The following HECW2 variants were observed in gnomAD, a reference collection of about 807,000 sequenced individuals.
HECW2 encodes the protein E3 ubiquitin-protein ligase HECW2.
A neutral mutation model predicts 175.2 loss-of-function variants in HECW2; 61 were observed. The ratio of observed to expected loss-of-function variants is 0.35; its 90% CI spans 0.28 to 0.43. HECW2 has a LOEUF of 0.43. Ranked by LOEUF, HECW2 falls within the 20% of genes least tolerant of loss-of-function variation. The pLI, the probability that HECW2 is intolerant of heterozygous loss-of-function variation, is 1.00. For synonymous variants in HECW2, 671 were observed against 731.0 expected (o/e 0.92, Z 1.32); for missense variants, 1,524 against 2,000.5 (o/e 0.76, Z 4.54).
intron 28 of HECW2, among the ~76,000 whole-genome samples, chr2:196,202,958 A>G (rs975685834): frequency 5.9e-5 from 9 of 152,174 alleles, no homozygotes; most frequent in Admixed American, 5.2e-4. Flanking sequence ...ACTGAAGGTA[A>G]TTTTATACCA....
intron 13 of HECW2, among the ~76,000 whole-genome samples, chr2:196,295,081 C>T (rs1211241113): frequency 1.3e-5 from 2 of 152,160 alleles, no homozygotes; most frequent in African/African-American, 4.8e-5. Context: ...CCTCAGTACA[C>T]TTGAGTATAA....
At chr2:196,371,098 AC>A (rs1693896862) in intron 2 of HECW2, among the ~76,000 whole-genome samples, 1 of 152,044 alleles carries the variant, frequency 6.6e-6, no homozygotes, top group African/African-American at 2.4e-5. Flanking sequence ...CTTCTATTCC[AC>A]CATCTTGCTC....
chr2:196,508,367 T>C (rs1687838781), intron 1 of HECW2, among the ~76,000 whole-genome samples: 1 of 152,194 alleles, frequency 6.6e-6, no homozygotes. Context: ...GTGGTGCAGC[T>C]AAAATACAAA....
chr2:196,518,059 A>C (rs1212392804), intron 1 of HECW2, among the ~76,000 whole-genome samples: 1 of 152,224 alleles, frequency 6.6e-6, no homozygotes, highest in Non-Finnish European at 1.5e-5. Flanking sequence ...GGGGAGAAAG[A>C]AAGCTTTTAA....
In HECW2 at chr2:196,399,270, A is replaced by C. The variant is rs2375851; in HGVS notation, c.292+33862T>G. 4.7e-4 allele frequency among the ~76,000 whole-genome samples: 13 copies of C among 27,418 alleles called. No homozygotes were observed. The Admixed American group carries it at 5.5e-3, about 12-fold the overall frequency. The allele number at this position is 27,418 out of a possible 152,430, so 18.0% of individuals were successfully genotyped here. A position where few individuals can be genotyped will look rare whatever the true frequency, so the allele number is the denominator to read the frequency against. On this transcript the variant is annotated intron_variant, in intron 2 of 28. Coordinates refer to ENST00000644978, the MANE Select transcript of HECW2 (RefSeq NM_001348768.2). ...GAAGGGGAAACATCAAGTTACATTAAGTTATTCAATTGGTAATTCTAACAT... is the reference window on the plus strand; with the variant it reads ...GAAGGGGAAACATCAAGTTACATTACGTTATTCAATTGGTAATTCTAACAT...
At chr2:196,321,158 G>C (rs1174573751) in intron 7 of HECW2, among the ~76,000 whole-genome samples, 1 of 152,158 alleles carries the variant, frequency 6.6e-6, no homozygotes, top group Non-Finnish European at 1.5e-5. Flanking sequence ...AGTGCTGATG[G>C]GATGGTTGGC....
chr2:196,274,153 C>T, intron 15 of HECW2, 30 bp from the exon 16 acceptor site: 1 of 1,532,740 alleles, frequency 6.5e-7, no homozygotes, highest in Non-Finnish European at 9.0e-7. Flanking sequence ...TTATGTTCTG[C>T]ACCAAGAGCC....
At chr2:196,579,286 T>C (rs541732226) in intron 1 of HECW2, among the ~76,000 whole-genome samples, 8 of 152,082 alleles carry the variant, frequency 5.3e-5, no homozygotes, top group African/African-American at 1.9e-4. Flanking sequence ...AGAATTAAAA[T>C]GGTACACTGG....
At chr2:196,388,238 T>C (rs897482433) in intron 2 of HECW2, among the ~76,000 whole-genome samples, 2 of 152,130 alleles carry the variant, frequency 1.3e-5, no homozygotes, top group Non-Finnish European at 2.9e-5. Flanking sequence ...AAGGTTGCAA[T>C]AGCTATGATT....
At chr2:196,485,465 G>C (rs1222235241) in intron 1 of HECW2, among the ~76,000 whole-genome samples, 1 of 152,190 alleles carries the variant, frequency 6.6e-6, no homozygotes, top group Non-Finnish European at 1.5e-5. Flanking sequence ...GGTGTCTAGT[G>C]AGGGCAAGGT....
At chr2:196,468,679 C>G (rs1697060961) in intron 1 of HECW2, among the ~76,000 whole-genome samples, 1 of 152,088 alleles carries the variant, frequency 6.6e-6, no homozygotes. Flanking sequence ...TTAATATTTC[C>G]ACTTCCAAAG....
chr2:196,396,360 G>T (rs1694661166), intron 2 of HECW2, among the ~76,000 whole-genome samples: 1 of 152,050 alleles, frequency 6.6e-6, no homozygotes, highest in African/African-American at 2.4e-5. Flanking sequence ...CAATTCCCAG[G>T]ATCTCTTTAC....
At chr2:196,246,407 A>G (rs759186232) in intron 19 of HECW2, among the ~76,000 whole-genome samples, 2 of 152,072 alleles carry the variant, frequency 1.3e-5, no homozygotes, top group Non-Finnish European at 1.5e-5. Context: ...TTTTCTTTAG[A>G]CGGAGTCTCA....
chr2:196,521,020 G>A (rs898038991), intron 1 of HECW2, among the ~76,000 whole-genome samples: 25 of 152,150 alleles, frequency 1.6e-4, no homozygotes, highest in Non-Finnish European at 3.4e-4. Context: ...CTTGTGGCAT[G>A]CAACACTAGG....
At chr2:196,412,668 T>A (rs186126014) in intron 2 of HECW2, among the ~76,000 whole-genome samples, 5 of 152,376 alleles carry the variant, frequency 3.3e-5, no homozygotes, top group Admixed American at 2.6e-4. Context: ...CCCTTCACAA[T>A]TACTGCCACA....
intron 12 of HECW2, 52 bp downstream of exon 12, chr2:196,307,078 G>T: frequency 7.9e-7 from 1 of 1,273,004 alleles, no homozygotes; most frequent in Non-Finnish European, 1.1e-6. Context: ...ATCCTTATTT[G>T]CTTCTTTTTC....
intron 1 of HECW2, among the ~76,000 whole-genome samples, chr2:196,520,379 T>C (rs1199751523): frequency 6.6e-6 from 1 of 152,160 alleles, no homozygotes; most frequent in Non-Finnish European, 1.5e-5. Context: ...GATTCCTGTC[T>C]ACCCAACCCT....
chr2:196,387,010 A>C (rs369812583), intron 2 of HECW2, among the ~76,000 whole-genome samples: 2 of 152,266 alleles, frequency 1.3e-5, no homozygotes, highest in South Asian at 4.1e-4. Context: ...AGAATAATGC[A>C]TGGTGCTAGG....
At chr2:196,275,730 G>A (rs966274474) in intron 15 of HECW2, among the ~76,000 whole-genome samples, 11 of 149,962 alleles carry the variant, frequency 7.3e-5, no homozygotes, top group African/African-American at 9.9e-5. Context: ...CCTGCCTGGC[G>A]ACAAAGCAAG....
Sources: gnomAD v4.1 joint callset for allele counts (sites outside exome capture counted in the v4.1 genomes callset) on GRCh38, gnomAD v4.1.1 for gene constraint, MANE v1.5 for transcripts, NCBI Gene and HGNC (gene_info 2026-07-23, HGNC 2026-07-21) for gene names.